LIPA: variants seen among roughly 807,000 people sequenced by gnomAD.
The protein encoded by LIPA is lipase A, lysosomal acid type, also known as lysosomal acid lipase/cholesteryl ester hydrolase.
A neutral mutation model predicts 40.6 loss-of-function variants in LIPA; 26 were observed. The observed-to-expected ratio is 0.64, with a 90% confidence interval of 0.47 to 0.89. The LOEUF (loss-of-function observed/expected upper bound fraction) is 0.89. LIPA is among the 40% of genes least tolerant of loss of function. LIPA has a pLI of 0.00. For synonymous variants in LIPA, 188 were observed against 168.4 expected (o/e 1.12, Z -0.90); for missense variants, 455 against 479.6 (o/e 0.95, Z 0.48).
In LIPA at chr10:89,214,712, G is replaced by T. The variant is rs1842597443; in HGVS notation, c.*116C>A. 7.3e-6 allele frequency: 5 copies of T among 686,930 alleles called. No individual in the cohort carries two copies. The highest frequency in any genetic ancestry group is 1.0e-5 in the Non-Finnish European group (4 of 392,454). 42.6% of individuals were successfully genotyped at this position (686,930 alleles called of 1,614,324 possible). On this transcript the variant is annotated 3_prime_UTR_variant, in exon 10 of 10. Coordinates refer to ENST00000336233, the MANE Select transcript of LIPA (RefSeq NM_000235.4). ...CATCTTCAAAGTTATCATTTTCTTG[G>T]ATATAAAAAAACAAAAGACCTGGGA...
chr10:89,359,838 CACACAA>C (rs1198431622), intron 2 of LIPA, among the ~76,000 whole-genome samples: 19 of 146,998 alleles, frequency 1.3e-4, no homozygotes, highest in African/African-American at 4.6e-4. Context: ...CACACACACA[CACACAA>C]ACACACACAC....
At chr10:89,318,014 G>C (rs1054242225) in intron 1 of LIPA, among the ~76,000 whole-genome samples, 2 of 152,094 alleles carry the variant, frequency 1.3e-5, no homozygotes, top group African/African-American at 4.8e-5. Flanking sequence ...GACAAGCAAA[G>C]GCTGAGAGAT....
intron 2 of LIPA, among the ~76,000 whole-genome samples, chr10:89,369,607 A>G (rs147143058): frequency 6.6e-6 from 1 of 152,260 alleles, no homozygotes; most frequent in East Asian, 1.9e-4. Flanking sequence ...GAAGAGAGTC[A>G]TAAAAGAATA....
At chr10:89,239,288 G>A (rs1842939582) in intron 3 of LIPA, among the ~76,000 whole-genome samples, 1 of 152,174 alleles carries the variant, frequency 6.6e-6, no homozygotes, top group Non-Finnish European at 1.5e-5. Context: ...AAACAGTCAC[G>A]GGCTGTGTGA....
chr10:89,386,076 T>C (rs1414970243), intron 2 of LIPA, among the ~76,000 whole-genome samples: 2 of 152,190 alleles, frequency 1.3e-5, no homozygotes, highest in African/African-American at 4.8e-5. Flanking sequence ...TTGCTCAGGC[T>C]GGAGTTCAGT....
intron 5 of LIPA, among the ~76,000 whole-genome samples, chr10:89,226,074 C>T (rs957795759): frequency 5.3e-5 from 8 of 152,160 alleles, no homozygotes; most frequent in South Asian, 2.1e-4. Context: ...CCCTCTCTGA[C>T]GTCTTGCCAC....
intron 2 of LIPA, chr10:89,404,389 T>C (rs1031660693): frequency 1.3e-5 from 2 of 152,270 alleles, no homozygotes. Flanking sequence ...AGGGTGCCTC[T>C]ATGTCCTTTG....
chr10:89,360,681 C>T (rs1274624594), intron 2 of LIPA, among the ~76,000 whole-genome samples: 3 of 152,228 alleles, frequency 2.0e-5, no homozygotes, highest in African/African-American at 4.8e-5. Context: ...TGAGCCACTG[C>T]ACCTGGCTCG....
chr10:89,268,458 A>G (rs945296658), intron 1 of LIPA, among the ~76,000 whole-genome samples: 1 of 152,158 alleles, frequency 6.6e-6, no homozygotes, highest in Admixed American at 6.5e-5. Flanking sequence ...CTGATTATTA[A>G]TGGATTCTAG....
intron 3 of LIPA, among the ~76,000 whole-genome samples, chr10:89,231,818 T>C (rs1842846024): frequency 6.6e-6 from 1 of 152,208 alleles, no homozygotes; most frequent in African/African-American, 2.4e-5. Flanking sequence ...GCCAGGGCCA[T>C]GCAGGTGAAC....
At chr10:89,222,765 T>C (rs1842717098) in intron 7 of LIPA, among the ~76,000 whole-genome samples, 183 bp from the exon 8 acceptor site, 1 of 152,192 alleles carries the variant, frequency 6.6e-6, no homozygotes, top group Non-Finnish European at 1.5e-5. Context: ...TACAACCACA[T>C]ACAAAGTCCA....
intron 1 of LIPA, among the ~76,000 whole-genome samples, chr10:89,335,081 G>A (rs1481798465): frequency 6.6e-6 from 1 of 152,006 alleles, no homozygotes; most frequent in Non-Finnish European, 1.5e-5. Context: ...AATATATTTT[G>A]CTCCAAATTT....
At chr10:89,414,641 CAA>C (rs1841510104), upstream of LIPA, 3 of 702,622 alleles carry the variant, frequency 4.3e-6, no homozygotes, top group Non-Finnish European at 6.5e-6. Flanking sequence ...TCTCCTTTAA[CAA>C]AGACACGCCG....
intron 1 of LIPA, chr10:89,283,856 A>T (rs1843327717): frequency 6.6e-6 from 1 of 152,274 alleles, no homozygotes; most frequent in Non-Finnish European, 1.5e-5. Flanking sequence ...AGAACACTGC[A>T]GGACACCAGT....
upstream of LIPA, chr10:89,251,927 ACCAGCGCTGCCGCTTG>A (rs1172715533): frequency 2.0e-5 from 3 of 153,316 alleles, no homozygotes; most frequent in Non-Finnish European, 4.3e-5. Context: ...TCCGCCCCAG[ACCAGCGCTGCCGCTTG>A]CCAGCCCCCC....
intron 2 of LIPA, chr10:89,363,137 G>T (rs1844033316): frequency 4.4e-6 from 1 of 225,744 alleles, no homozygotes; most frequent in Admixed American, 4.2e-5. Context: ...AAATGGCCTT[G>T]CAGGGAACAC....
At chr10:89,309,895 G>T (rs141807512) in intron 1 of LIPA, among the ~76,000 whole-genome samples, 1 of 152,256 alleles carries the variant, frequency 6.6e-6, no homozygotes, top group African/African-American at 2.4e-5. Flanking sequence ...CAGGACATTT[G>T]ACTCCCTTCA....
chr10:89,353,710 C>A (rs1031205558), intron 2 of LIPA, among the ~76,000 whole-genome samples: 1 of 152,018 alleles, frequency 6.6e-6, no homozygotes, highest in Admixed American at 6.6e-5. Context: ...GGAGGCCGAG[C>A]CTGGCAGATC....
intron 1 of LIPA, among the ~76,000 whole-genome samples, chr10:89,323,726 G>A (rs762924541): frequency 1.3e-5 from 2 of 152,040 alleles, no homozygotes; most frequent in Non-Finnish European, 1.5e-5. Flanking sequence ...TACAGCTAAC[G>A]CAGGAGGTGA....
Sources: gnomAD v4.1 joint callset for allele counts (sites outside exome capture counted in the v4.1 genomes callset) on GRCh38, gnomAD v4.1.1 for gene constraint, MANE v1.5 for transcripts, NCBI Gene and HGNC (gene_info 2026-07-23, HGNC 2026-07-21) for gene names.